Variants in PHACTR1 observed in about 807,000 individuals in gnomAD.
The protein encoded by PHACTR1 is phosphatase and actin regulator 1, also known as RPEL repeat containing 1.
PHACTR1 carries 16 observed loss-of-function variants against 69.2 expected under a neutral mutation model. That is an observed-to-expected ratio of 0.23 (90% CI 0.16 to 0.35). The LOEUF (loss-of-function observed/expected upper bound fraction) is 0.35, where lower values mean the gene tolerates loss of function less well. PHACTR1 is among the 10% of genes least tolerant of loss of function. The pLI, the probability that PHACTR1 is intolerant of heterozygous loss-of-function variation, is 1.00. For synonymous variants in PHACTR1, 312 were observed against 284.5 expected, an observed-to-expected ratio of 1.10 and a Z score of -0.97; for missense variants, 510 against 734.7, an observed-to-expected ratio of 0.69 and a Z score of 3.54.
intron 4 of PHACTR1, among the ~76,000 whole-genome samples, chr6:13,046,052 A>G (rs573653788): frequency 6.6e-6 from 1 of 152,188 alleles, no homozygotes. Context: ...TGCAAGCAAT[A>G]AGATTGATAA....
intron 4 of PHACTR1, among the ~76,000 whole-genome samples, chr6:12,924,776 GAAAAA>G (rs10533765): frequency 7.4e-6 from 1 of 134,296 alleles, no homozygotes. Flanking sequence ...CTCTGTCCCG[GAAAAA>G]AAAAAAAAAA....
At chr6:12,761,076 T>G (rs1350732255) in intron 4 of PHACTR1, among the ~76,000 whole-genome samples, 1 of 152,194 alleles carries the variant, frequency 6.6e-6, no homozygotes, top group Non-Finnish European at 1.5e-5. Flanking sequence ...GCTTGTGAGC[T>G]GAATCATCTC....
chr6:13,109,838 G>GTGTGTA (rs1816752332), intron 5 of PHACTR1, among the ~76,000 whole-genome samples: 1 of 144,016 alleles, frequency 6.9e-6, no homozygotes, highest in African/African-American at 2.6e-5. Context: ...TTCAGCGTGT[G>GTGTGTA]TGTGTGTGTG....
chr6:13,122,651 A>T (rs923875457), intron 5 of PHACTR1, among the ~76,000 whole-genome samples: 1 of 152,236 alleles, frequency 6.6e-6, no homozygotes, highest in Non-Finnish European at 1.5e-5. Context: ...ACTTTTAAAT[A>T]CTTAAAATCT....
chr6:12,736,011 G>C (rs1459897719), intron 3 of PHACTR1, among the ~76,000 whole-genome samples: 1 of 152,192 alleles, frequency 6.6e-6, no homozygotes, highest in East Asian at 1.9e-4. Context: ...GTAGTGGACA[G>C]CTCCATTAAT....
chr6:12,740,410 T>A (rs1321295905), intron 3 of PHACTR1, among the ~76,000 whole-genome samples: 1 of 152,180 alleles, frequency 6.6e-6, no homozygotes. Context: ...TCACCAGTAC[T>A]GGCATTAAGT....
At chr6:13,263,799 G>A (rs1016906812) in intron 10 of PHACTR1, among the ~76,000 whole-genome samples, 21 of 152,204 alleles carry the variant, frequency 1.4e-4, no homozygotes, top group African/African-American at 5.1e-4. Flanking sequence ...GAGGCATCTT[G>A]ACTTTGATTC....
At chr6:12,959,176 C>CAAAAAAAAAA (rs70989814) in intron 4 of PHACTR1, among the ~76,000 whole-genome samples, 14 of 46,226 alleles carry the variant, frequency 3.0e-4, no homozygotes, top group African/African-American at 1.1e-3. Flanking sequence ...GACTTTATCT[C>CAAAAAAAAAA]AAAAAAAAAA....
At chr6:12,987,196 A>C (rs1437516189) in intron 4 of PHACTR1, among the ~76,000 whole-genome samples, 1 of 152,192 alleles carries the variant, frequency 6.6e-6, no homozygotes, top group Non-Finnish European at 1.5e-5. Context: ...TTTATTCTGC[A>C]GGTGAGTGAG....
intron 4 of PHACTR1, among the ~76,000 whole-genome samples, chr6:12,830,047 A>AGAAG (rs142925668): frequency 0.055 from 7,623 of 137,744 alleles, 509 homozygotes; most frequent in Middle Eastern, 0.11. Flanking sequence ...AAGAAAAGAA[A>AGAAG]GAAGGAAGGA....
At chr6:12,883,852 C>T (rs57623990) in intron 4 of PHACTR1, among the ~76,000 whole-genome samples, 6,391 of 152,230 alleles carry the variant, frequency 0.042, 424 homozygotes, top group African/African-American at 0.14. Flanking sequence ...AGTCCTTTGG[C>T]CTTACTAGGT....
At chr6:13,153,056 T>C (rs901058846) in intron 5 of PHACTR1, among the ~76,000 whole-genome samples, 2 of 152,158 alleles carry the variant, frequency 1.3e-5, no homozygotes, top group African/African-American at 2.4e-5. Flanking sequence ...GTCAGGACTG[T>C]GGGCTCTGAA....
At chr6:12,740,414 A>G (rs1412198048) in intron 3 of PHACTR1, among the ~76,000 whole-genome samples, 1 of 152,152 alleles carries the variant, frequency 6.6e-6, no homozygotes, top group Non-Finnish European at 1.5e-5. Flanking sequence ...CAGTACTGGC[A>G]TTAAGTGATT....
chr6:13,219,323 T>C (rs905676156), intron 8 of PHACTR1, among the ~76,000 whole-genome samples: 1 of 152,222 alleles, frequency 6.6e-6, no homozygotes, highest in Non-Finnish European at 1.5e-5. Context: ...GTCCTCATCC[T>C]TGTGAGCTTA....
chr6:12,881,368 C>A (rs928913386), intron 4 of PHACTR1, among the ~76,000 whole-genome samples: 3 of 152,084 alleles, frequency 2.0e-5, no homozygotes, highest in African/African-American at 4.8e-5. Context: ...TGGCGCTGAA[C>A]CTGCAGGGAC....
chr6:13,185,654 A>G (rs1414972419), intron 7 of PHACTR1, among the ~76,000 whole-genome samples: 1 of 152,228 alleles, frequency 6.6e-6, no homozygotes, highest in African/African-American at 2.4e-5. Context: ...GCACTTTGGC[A>G]CATGAATTAG....
At chr6:13,282,489 T>C (rs939453719) in intron 12 of PHACTR1, among the ~76,000 whole-genome samples, 5 of 152,102 alleles carry the variant, frequency 3.3e-5, no homozygotes, top group Admixed American at 3.3e-4. Flanking sequence ...GGGCTGGTCC[T>C]GAGTCTCCCT....
chr6:13,227,871 G>A lies in PHACTR1; in HGVS notation c.1042G>A (p.Gly348Ser). The A allele has an allele frequency of 6.2e-7, 1 of 1,614,006 alleles. No homozygotes were observed. The change falls in exon 9 of 15, where the codon GGT (glycine) becomes AGT (serine). Residue 348 changes from glycine to serine, a missense_variant. Gly to Ser is a moderately conservative substitution (Grantham distance 56, BLOSUM62 0). Transcript: ENST00000332995. ...TTACCACAGCTCTGGGTTGCACTCG[G>A]GTGATGGGGTCACCAAAGCAGGACC... ...TSYHSSGLHS[G>S]DGVTKAGPMG... is the part of the protein sequence containing the mutation.
chr6:12,737,672 G>A (rs948677595), intron 3 of PHACTR1, among the ~76,000 whole-genome samples: 1 of 150,954 alleles, frequency 6.6e-6, no homozygotes, highest in Non-Finnish European at 1.5e-5. Flanking sequence ...ATGGCTCACT[G>A]CAGCCTCAAA....
Sources: gnomAD v4.1 joint callset for allele counts (sites outside exome capture counted in the v4.1 genomes callset) on GRCh38, gnomAD v4.1.1 for gene constraint, MANE v1.5 for transcripts, NCBI Gene and HGNC (gene_info 2026-07-23, HGNC 2026-07-21) for gene names.